The following RGS6 variants were observed in gnomAD, a reference collection of about 807,000 sequenced individuals.
The protein encoded by RGS6 is regulator of G-protein signaling 6.
In RGS6, 30 loss-of-function variants were observed where a neutral mutation model predicts 78.5. That is an observed-to-expected ratio of 0.38 (90% CI 0.29 to 0.52). The LOEUF (loss-of-function observed/expected upper bound fraction) is 0.52, where lower values mean the gene tolerates loss of function less well. RGS6 is among the 20% of genes least tolerant of loss of function. RGS6 has a pLI of 0.85. For synonymous variants in RGS6, 206 were observed against 206.0 expected (o/e 1.00, Z 0.00); for missense variants, 495 against 609.7 (o/e 0.81, Z 1.98).
rs139978569 is a variant in RGS6, at chr14:72,236,124, A to C, written c.85-115971A>C. Among the ~76,000 whole-genome samples the C allele has an allele frequency of 1.5e-3, 228 of 152,332 alleles. 1 individual carries two copies. The highest frequency in any genetic ancestry group is 5.1e-3 in the African/African-American group (213 of 41,580). ...AAATTGCTTGGCAAAATGAAAGGGA[A>C]GGAGGGTGGTCAGGGATGTTTCCAA... On this transcript the variant is annotated intron_variant, in intron 2 of 17. Coordinates refer to ENST00000553525, the MANE Select transcript of RGS6 (RefSeq NM_001204424.2).
chr14:72,297,457 G>T (rs4324071), intron 2 of RGS6, among the ~76,000 whole-genome samples: 7,832 of 150,212 alleles, frequency 0.052, 394 homozygotes, highest in East Asian at 0.3. Context: ...AAGTTTTAGG[G>T]TACATGTGCA....
At chr14:72,290,605 T>C (rs1350864017) in intron 2 of RGS6, among the ~76,000 whole-genome samples, 1 of 152,192 alleles carries the variant, frequency 6.6e-6, no homozygotes, top group Non-Finnish European at 1.5e-5. Context: ...CTTTTGGGGA[T>C]TGATTTCAAG....
At chr14:72,193,239 C>T (rs2097351177) in intron 2 of RGS6, among the ~76,000 whole-genome samples, 1 of 152,204 alleles carries the variant, frequency 6.6e-6, no homozygotes, top group Non-Finnish European at 1.5e-5. Flanking sequence ...GGTGATCCAC[C>T]TGCCTTGGCC....
chr14:71,905,417 A>T, the RGS6 span, among the ~76,000 whole-genome samples: 2 of 152,346 alleles, frequency 1.3e-5, no homozygotes, highest in African/African-American at 4.8e-5. Flanking sequence ...CTAAAAGCCC[A>T]ATTCAGAAAC....
At chr14:72,558,698 G>GTGTT (rs1767753069) in intron 17 of RGS6, among the ~76,000 whole-genome samples, 1 of 152,144 alleles carries the variant, frequency 6.6e-6, no homozygotes, top group Non-Finnish European at 1.5e-5. Flanking sequence ...GAATGTGTGG[G>GTGTT]TGTTAGTGAA....
At chr14:72,239,732 G>A (rs2052248429) in intron 2 of RGS6, among the ~76,000 whole-genome samples, 1 of 152,190 alleles carries the variant, frequency 6.6e-6, no homozygotes, top group African/African-American at 2.4e-5. Flanking sequence ...TTGCTAGGCT[G>A]GCTAAGCCCA....
At chr14:72,099,043 A>G (rs1597525893) in intron 2 of RGS6, among the ~76,000 whole-genome samples, 2 of 152,346 alleles carry the variant, frequency 1.3e-5, no homozygotes, top group Non-Finnish European at 2.9e-5. Flanking sequence ...ACAAGGATCG[A>G]ACAGTCTGTT....
chr14:72,080,048 A>T (rs780517676), intron 2 of RGS6, among the ~76,000 whole-genome samples: 1 of 152,106 alleles, frequency 6.6e-6, no homozygotes, highest in Non-Finnish European at 1.5e-5. Context: ...TTGGGTATAT[A>T]CTCAGGGATT....
At chr14:72,168,315 C>T (rs1316545084) in intron 2 of RGS6, among the ~76,000 whole-genome samples, 1 of 152,090 alleles carries the variant, frequency 6.6e-6, no homozygotes, top group African/African-American at 2.4e-5. Flanking sequence ...GCAAGGTCTA[C>T]CATTAGGAAT....
upstream of RGS6, chr14:71,932,333 C>T (rs1442595697): frequency 1.3e-5 from 2 of 151,240 alleles, no homozygotes; most frequent in African/African-American, 4.8e-5. Context: ...TGCCGGGGCC[C>T]AGGTGCCGGC....
intron 2 of RGS6, among the ~76,000 whole-genome samples, chr14:72,062,156 T>C (rs2093926663): frequency 6.6e-6 from 1 of 152,092 alleles, no homozygotes; most frequent in Admixed American, 6.5e-5. Context: ...GAACAAGAAA[T>C]TGAAGAAAGC....
At chr14:72,318,951 A>G (rs923202089) in intron 2 of RGS6, among the ~76,000 whole-genome samples, 2 of 152,198 alleles carry the variant, frequency 1.3e-5, no homozygotes, top group Admixed American at 6.5e-5. Context: ...TTGTAATAAG[A>G]CTTAACAGTA....
intron 1 of RGS6, among the ~76,000 whole-genome samples, chr14:71,963,855 A>G (rs2093355398): frequency 6.6e-6 from 1 of 152,224 alleles, no homozygotes; most frequent in African/African-American, 2.4e-5. Flanking sequence ...ATTTGTTTTC[A>G]GTTAGTTTGT....
At chr14:72,483,818 C>T (rs1255659484) in intron 12 of RGS6, among the ~76,000 whole-genome samples, 6 of 152,114 alleles carry the variant, frequency 3.9e-5, no homozygotes, top group African/African-American at 1.4e-4. Context: ...CATACCTGGC[C>T]TGGTGTAAGC....
chr14:72,123,048 C>T (rs2096094212), intron 2 of RGS6, among the ~76,000 whole-genome samples: 1 of 152,196 alleles, frequency 6.6e-6, no homozygotes, highest in Non-Finnish European at 1.5e-5. Flanking sequence ...CTCACTTCAA[C>T]CTCTGCCTCC....
intron 2 of RGS6, among the ~76,000 whole-genome samples, chr14:72,120,230 A>G (rs1482366726): frequency 6.6e-6 from 1 of 152,244 alleles, no homozygotes; most frequent in African/African-American, 2.4e-5. Context: ...TTGAGCTAAA[A>G]GGAGCACTAG....
the RGS6 span, among the ~76,000 whole-genome samples, chr14:71,895,434 G>T: frequency 6.6e-6 from 1 of 151,766 alleles, no homozygotes; most frequent in African/African-American, 2.4e-5. Flanking sequence ...TGATCTGCCC[G>T]CCTCAGACTC....
chr14:72,611,930 C>T, the RGS6 span, among the ~76,000 whole-genome samples: 2 of 152,120 alleles, frequency 1.3e-5, no homozygotes, highest in Admixed American at 6.5e-5. Flanking sequence ...CCTACAATCA[C>T]GATTGCTTGG....
intron 3 of RGS6, among the ~76,000 whole-genome samples, chr14:72,397,572 A>T (rs1190779240): frequency 6.6e-6 from 1 of 152,084 alleles, no homozygotes; most frequent in Non-Finnish European, 1.5e-5. Context: ...CCTGGCCAGA[A>T]CTTCCAACAC....
Sources: gnomAD v4.1 joint callset for allele counts (sites outside exome capture counted in the v4.1 genomes callset) on GRCh38, gnomAD v4.1.1 for gene constraint, MANE v1.5 for transcripts, NCBI Gene and HGNC (gene_info 2026-07-23, HGNC 2026-07-21) for gene names.